The following FAM107B variants were observed in gnomAD, a reference collection of about 807,000 sequenced individuals.
The protein encoded by FAM107B is protein FAM107B.
FAM107B carries 21 observed loss-of-function variants against 31.5 expected under a neutral mutation model. The ratio of observed to expected loss-of-function variants is 0.67; its 90% CI spans 0.47 to 0.96. The LOEUF is 0.96. Among genes scored for constraint, FAM107B ranks in the 40% least tolerant of loss-of-function variants. FAM107B has a pLI of 0.00. For missense variants in FAM107B, 452 were observed against 377.1 expected, an observed-to-expected ratio of 1.20 and a Z score of -1.64; for synonymous variants, 157 against 141.5, an observed-to-expected ratio of 1.11 and a Z score of -0.78.
intron 2 of FAM107B, among the ~76,000 whole-genome samples, chr10:14,557,823 G>A (rs1390251401): frequency 4.6e-5 from 7 of 152,260 alleles, no homozygotes; most frequent in East Asian, 1.9e-4. Context: ...GGGCCTAGCC[G>A]GGGCCTAGCC....
At position 14,572,658 on chromosome 10, in the gene FAM107B, C is replaced by T. The variant is rs1009526711; in HGVS notation, c.470-42143G>A. ...CCCAGGAGTTTGAGGCTGTAGTGCACTATGATCACATCTGTGAAGAGCCAC... is the reference window on the plus strand; with the variant it reads ...CCCAGGAGTTTGAGGCTGTAGTGCATTATGATCACATCTGTGAAGAGCCAC... On this transcript the variant is annotated intron_variant, in intron 2 of 4. Coordinates refer to ENST00000181796, the MANE Select transcript of FAM107B (RefSeq NM_031453.4). Among the ~76,000 whole-genome samples, 9 of 147,586 alleles carry T rather than the reference C, an allele frequency of 6.1e-5. No individual in the cohort carries two copies. In the South Asian group the frequency reaches 1.7e-3, roughly 28 times the overall value.
intron 1 of FAM107B, among the ~76,000 whole-genome samples, chr10:14,685,445 C>T (rs1588704949): frequency 6.6e-6 from 1 of 152,178 alleles, no homozygotes; most frequent in East Asian, 1.9e-4. Flanking sequence ...AGCCACTGCA[C>T]CTGGTCTTGA....
At chr10:14,690,212 G>A (rs1222852377) in intron 1 of FAM107B, among the ~76,000 whole-genome samples, 1 of 152,190 alleles carries the variant, frequency 6.6e-6, no homozygotes, top group East Asian at 1.9e-4. Context: ...GCAGATCTAA[G>A]TGACGGAGGA....
At chr10:14,715,001 C>T (rs1475032149) in intron 1 of FAM107B, among the ~76,000 whole-genome samples, 2 of 152,080 alleles carry the variant, frequency 1.3e-5, no homozygotes, top group Non-Finnish European at 2.9e-5. Flanking sequence ...GCAGGTGGTC[C>T]GCCCATGGTC....
intron 1 of FAM107B, among the ~76,000 whole-genome samples, chr10:14,721,673 A>G (rs7095709): frequency 0.98 from 149,476 of 152,294 alleles, 73,369 homozygotes; most frequent in African/African-American, 0.99. Context: ...CATATCCTTC[A>G]CCCACTTTTT....
chr10:14,551,334 G>A (rs191611428), intron 2 of FAM107B, among the ~76,000 whole-genome samples: 4 of 152,090 alleles, frequency 2.6e-5, no homozygotes, highest in South Asian at 2.1e-4. Context: ...CAGTAGAGAC[G>A]GGGTTTCACC....
intron 2 of FAM107B, among the ~76,000 whole-genome samples, chr10:14,628,460 T>C (rs1205518169): frequency 6.6e-6 from 1 of 152,138 alleles, no homozygotes; most frequent in African/African-American, 2.4e-5. Flanking sequence ...TTCCAGTTTA[T>C]GTGCTACTCA....
At chr10:14,531,712 T>A (rs1847036933) in intron 2 of FAM107B, among the ~76,000 whole-genome samples, 1 of 151,996 alleles carries the variant, frequency 6.6e-6, no homozygotes, top group East Asian at 1.9e-4. Context: ...CGTGGTGGCG[T>A]AGTCCCAGCT....
intron 2 of FAM107B, among the ~76,000 whole-genome samples, chr10:14,599,309 G>T (rs1588647575): frequency 6.6e-6 from 1 of 152,166 alleles, no homozygotes; most frequent in Non-Finnish European, 1.5e-5. Context: ...CTGCTGAGCA[G>T]CCCAGAGGGT....
intron 2 of FAM107B, among the ~76,000 whole-genome samples, chr10:14,604,638 C>G (rs896972494): frequency 2.0e-5 from 3 of 151,870 alleles, no homozygotes; most frequent in African/African-American, 7.2e-5. Flanking sequence ...AGGGAAAGCG[C>G]GGCGGCCCCG....
intron 2 of FAM107B, among the ~76,000 whole-genome samples, chr10:14,575,226 T>C (rs1851427985): frequency 1.3e-5 from 2 of 151,322 alleles, no homozygotes; most frequent in South Asian, 2.1e-4. Flanking sequence ...TTTTTTGAGA[T>C]GGCGTCTCGC....
chr10:14,734,563 T>C (rs1296845857), intron 1 of FAM107B, among the ~76,000 whole-genome samples: 1 of 151,656 alleles, frequency 6.6e-6, no homozygotes, highest in Non-Finnish European at 1.5e-5. Context: ...ATAATTCCTT[T>C]TCTTCTAATG....
At chr10:14,677,113 G>C (rs1854702131) in intron 1 of FAM107B, among the ~76,000 whole-genome samples, 1 of 151,960 alleles carries the variant, frequency 6.6e-6, no homozygotes, top group African/African-American at 2.4e-5. Context: ...CTATCCACAA[G>C]GGTTGATCCC....
At chr10:14,553,680 G>C (rs1002541866) in intron 2 of FAM107B, among the ~76,000 whole-genome samples, 1 of 152,176 alleles carries the variant, frequency 6.6e-6, no homozygotes, top group Non-Finnish European at 1.5e-5. Flanking sequence ...CTCGCAGAAG[G>C]AGCCCAAGCT....
chr10:14,638,361 C>G (rs1337168301), intron 2 of FAM107B, among the ~76,000 whole-genome samples: 1 of 151,840 alleles, frequency 6.6e-6, no homozygotes, highest in Non-Finnish European at 1.5e-5. Flanking sequence ...TGGAAGATGC[C>G]TTAAAGGTTT....
At chr10:14,707,817 A>G (rs1403372308) in intron 1 of FAM107B, among the ~76,000 whole-genome samples, 1 of 152,224 alleles carries the variant, frequency 6.6e-6, no homozygotes, top group Non-Finnish European at 1.5e-5. Context: ...CATGTCTTGG[A>G]ATCTTTTTTA....
intron 2 of FAM107B, among the ~76,000 whole-genome samples, chr10:14,625,868 T>TAAAAAAAA (rs58736805): frequency 0.044 from 4,784 of 108,838 alleles, 166 homozygotes; most frequent in Middle Eastern, 0.074. Context: ...GCTCATGGAT[T>TAAAAAAAA]AAAAAAAAAA....
At chr10:14,692,154 G>GC (rs1855153884) in intron 1 of FAM107B, among the ~76,000 whole-genome samples, 1 of 152,116 alleles carries the variant, frequency 6.6e-6, no homozygotes, top group South Asian at 2.1e-4. Context: ...ATCGAGGGGA[G>GC]CCCCCTTTGG....
At chr10:14,619,667 T>C (rs1295032157) in intron 2 of FAM107B, among the ~76,000 whole-genome samples, 1 of 147,012 alleles carries the variant, frequency 6.8e-6, no homozygotes, top group African/African-American at 2.5e-5. Flanking sequence ...GAAGGCTTAT[T>C]TATCCATGCC....
Sources: allele counts gnomAD v4.1 joint callset (sites outside exome capture counted in the v4.1 genomes callset), GRCh38; gene constraint gnomAD v4.1.1; transcripts MANE v1.5; gene names NCBI Gene and HGNC (gene_info 2026-07-23, HGNC 2026-07-21).